BTBD9: variants seen among roughly 807,000 people sequenced by gnomAD.
BTBD9 encodes BTB domain containing 9.
Under a neutral mutation model 64.3 loss-of-function variants are expected in BTBD9, and 49 were observed. That is an observed-to-expected ratio of 0.76 (90% CI 0.61 to 0.97). BTBD9 has a LOEUF of 0.97. BTBD9 is among the 50% of genes least tolerant of loss of function. BTBD9 has a pLI of 0.00. For missense variants in BTBD9, 598 were observed against 762.1 expected (o/e 0.78, Z 2.53); for synonymous variants, 260 against 274.7 (o/e 0.95, Z 0.53).
rs1764199314 is a variant in BTBD9, at chr6:38,344,164, T to A, written c.1264+820A>T. On this transcript the variant is annotated intron_variant, in intron 7 of 10. Coordinates refer to ENST00000481247, the MANE Select transcript of BTBD9 (RefSeq NM_001099272.2). ...AAGGAGCTAATTGATCTAAGCATGATCTTTGCAGCAGGTGAGTGAAAACCT... is the reference window on the plus strand; with the variant it reads ...AAGGAGCTAATTGATCTAAGCATGAACTTTGCAGCAGGTGAGTGAAAACCT... Among the ~76,000 whole-genome samples the A allele has an allele frequency of 1.3e-5, 2 of 151,826 alleles. 1 individual carries two copies. The highest frequency in any genetic ancestry group is 4.2e-4 in the South Asian group (2 of 4,796).
At chr6:38,575,201 G>T (rs1775970680) in intron 6 of BTBD9, among the ~76,000 whole-genome samples, 1 of 152,124 alleles carries the variant, frequency 6.6e-6, no homozygotes, top group South Asian at 2.1e-4. Flanking sequence ...AGGAATATAT[G>T]TACATATTAA....
intron 9 of BTBD9, among the ~76,000 whole-genome samples, chr6:38,255,447 G>T (rs1764542738): frequency 6.6e-6 from 1 of 152,126 alleles, no homozygotes; most frequent in Non-Finnish European, 1.5e-5. Flanking sequence ...ATTTTAAAAA[G>T]AAAAATAAAA....
intron 9 of BTBD9, among the ~76,000 whole-genome samples, chr6:38,243,317 T>C (rs1191881337): frequency 6.6e-6 from 1 of 152,172 alleles, no homozygotes; most frequent in Non-Finnish European, 1.5e-5. Context: ...GAGCTGGTCA[T>C]GTAGAGATAG....
intron 6 of BTBD9, among the ~76,000 whole-genome samples, chr6:38,478,422 T>C (rs1394346878): frequency 6.6e-6 from 1 of 152,220 alleles, no homozygotes; most frequent in Non-Finnish European, 1.5e-5. Context: ...ATTAGTATGA[T>C]TTGACTATCT....
intron 6 of BTBD9, among the ~76,000 whole-genome samples, chr6:38,535,939 G>T (rs1306551615): frequency 6.6e-6 from 1 of 152,060 alleles, no homozygotes; most frequent in Non-Finnish European, 1.5e-5. Context: ...AGGGAGCAGA[G>T]ATTTCTTGAG....
At chr6:38,635,147 C>CT (rs1778487547) in intron 1 of BTBD9, among the ~76,000 whole-genome samples, 1 of 147,600 alleles carries the variant, frequency 6.8e-6, no homozygotes, top group African/African-American at 2.5e-5. Flanking sequence ...TTTTTTTTTT[C>CT]TTTTTTGAGA....
chr6:38,299,247 A>G (rs1224990003), intron 7 of BTBD9, among the ~76,000 whole-genome samples: 1 of 152,136 alleles, frequency 6.6e-6, no homozygotes, highest in Non-Finnish European at 1.5e-5. Context: ...TTCTTAATCC[A>G]GTCTATCATT....
rs900423354 is a variant in BTBD9 at position 38,171,263 on chromosome 6, A to G, written c.*3722T>C. On this transcript the variant is annotated 3_prime_UTR_variant, in exon 11 of 11. Coordinates refer to ENST00000481247, the MANE Select transcript of BTBD9 (RefSeq NM_001099272.2). Reference sequence around the variant, plus strand: ...ACAGCAGTTTGACAACTGGGGCGACAGCATAATACTGGGCAATTTTTTGCA... The same window carrying G: ...ACAGCAGTTTGACAACTGGGGCGACGGCATAATACTGGGCAATTTTTTGCA... 2.0e-5 allele frequency: 3 copies of G among 152,242 alleles called. No individual in the cohort carries two copies. The highest frequency in any genetic ancestry group is 7.2e-5 in the African/African-American group (3 of 41,468). The allele number at this position is 152,242 out of a possible 1,614,324, so 9.4% of individuals were successfully genotyped here.
chr6:38,624,264 G>A (rs72855192), intron 1 of BTBD9, among the ~76,000 whole-genome samples: 34 of 152,288 alleles, frequency 2.2e-4, no homozygotes, highest in East Asian at 1.2e-3. Flanking sequence ...GACAATAAGC[G>A]AATAAAAGCT....
intron 1 of BTBD9, among the ~76,000 whole-genome samples, chr6:38,635,568 T>C (rs1778500655): frequency 6.6e-6 from 1 of 152,212 alleles, no homozygotes; most frequent in African/African-American, 2.4e-5. Flanking sequence ...GATTAGGCCA[T>C]GAAGACTCTT....
chr6:38,455,810 G>A (rs747001644), intron 6 of BTBD9, among the ~76,000 whole-genome samples: 2 of 151,846 alleles, frequency 1.3e-5, no homozygotes, highest in African/African-American at 2.4e-5. Context: ...CTGGAGTAGC[G>A]GGGATTACAG....
At chr6:38,234,615 C>T (rs368882032) in intron 9 of BTBD9, among the ~76,000 whole-genome samples, 8 of 152,210 alleles carry the variant, frequency 5.3e-5, no homozygotes, top group South Asian at 2.1e-4. Context: ...TAACAATAAA[C>T]GGTATTATTT....
intron 6 of BTBD9, among the ~76,000 whole-genome samples, chr6:38,386,700 T>C (rs1468205280): frequency 1.4e-5 from 2 of 144,006 alleles, no homozygotes; most frequent in Non-Finnish European, 3.0e-5. Context: ...TGAAGTGCAG[T>C]AGTATGATCT....
At chr6:38,399,867 T>C (rs962470191) in intron 6 of BTBD9, among the ~76,000 whole-genome samples, 1 of 151,892 alleles carries the variant, frequency 6.6e-6, no homozygotes, top group Non-Finnish European at 1.5e-5. Context: ...TTCTCCAGCC[T>C]CAGCCTGCAG....
Position 38,477,375 on chromosome 6 carries a change from T to C in BTBD9, c.1154+100225A>G, listed in dbSNP as rs79383000. 8.1e-3 allele frequency among the ~76,000 whole-genome samples: 1,235 copies of C among 152,338 alleles called. 11 individuals are homozygous for C. Among genetic ancestry groups the C allele is most frequent in the African/African-American group, 0.028 (1,159 of 41,574 alleles). ...GCTGTAACATCGAAATACAATTGAA[T>C]AGACAGGGCTTATTTTGTAAGAGCA... On this transcript the variant is annotated intron_variant, in intron 6 of 10. Transcript: ENST00000481247.
intron 9 of BTBD9, among the ~76,000 whole-genome samples, chr6:38,253,811 A>T (rs1764483173): frequency 6.6e-6 from 1 of 151,952 alleles, no homozygotes; most frequent in African/African-American, 2.4e-5. Flanking sequence ...CCTTTTCATC[A>T]TCTAGCTCGG....
intron 1 of BTBD9, among the ~76,000 whole-genome samples, chr6:38,634,455 G>T (rs924785483): frequency 1.3e-5 from 2 of 151,948 alleles, no homozygotes; most frequent in African/African-American, 4.8e-5. Flanking sequence ...AACTTCCCAG[G>T]AACAGGGAAT....
chr6:38,361,441 G>A (rs568810888), intron 6 of BTBD9, among the ~76,000 whole-genome samples: 1 of 152,246 alleles, frequency 6.6e-6, no homozygotes, highest in Admixed American at 6.5e-5. Context: ...CCTAGCTACT[G>A]GAGGGATGGG....
At chr6:38,623,501 G>C (rs2127525562) in intron 1 of BTBD9, among the ~76,000 whole-genome samples, 1 of 152,304 alleles carries the variant, frequency 6.6e-6, no homozygotes, top group Admixed American at 6.5e-5. Context: ...TGACAGGAGT[G>C]ACTCTCCAAA....
Sources: allele counts gnomAD v4.1 joint callset (sites outside exome capture counted in the v4.1 genomes callset), GRCh38; gene constraint gnomAD v4.1.1; transcripts MANE v1.5; gene names NCBI Gene and HGNC (gene_info 2026-07-23, HGNC 2026-07-21).